CNTNAP5: variants seen among roughly 807,000 people sequenced by gnomAD.
CNTNAP5 encodes contactin-associated protein-like 5.
In CNTNAP5, 72 loss-of-function variants were observed where a neutral mutation model predicts 150.2. That is an observed-to-expected ratio of 0.48 (90% CI 0.40 to 0.58). The LOEUF (loss-of-function observed/expected upper bound fraction) is 0.58. Ranked by LOEUF, CNTNAP5 falls within the 20% of genes least tolerant of loss-of-function variation. The pLI, the probability that CNTNAP5 is intolerant of heterozygous loss-of-function variation, is 0.00. For synonymous variants in CNTNAP5, 672 were observed against 619.8 expected (o/e 1.08, Z -1.25); for missense variants, 1,636 against 1,626.2 (o/e 1.01, Z -0.10).
intron 1 of CNTNAP5, among the ~76,000 whole-genome samples, chr2:124,201,903 G>C: frequency 6.6e-6 from 1 of 152,170 alleles, no homozygotes; most frequent in East Asian, 1.9e-4. Context: ...ATTGGCAAAA[G>C]TTATGGACTC....
chr2:124,025,674 C>T lies in CNTNAP5; in HGVS notation c.24C>T (p.Thr8=), dbSNP rs1453753031. Residue 8 remains threonine (T), a synonymous_variant, in exon 1 of 24, where the codon ACC becomes ACT. Coordinates refer to ENST00000682447, the MANE Select transcript of CNTNAP5 (RefSeq NM_001367498.1). The stretch of plus-strand genomic sequence containing the variant: ...AAATGGATTCTTTACCACGGCTGAC[C>T]AGCGTTTTGACTTTGCTGTTCTCTG... MDSLPRL[T]SVLTLLFSGL... 6.2e-7 allele frequency: 1 copy of T among 1,613,828 alleles called. No homozygotes were observed. The highest frequency in any genetic ancestry group is 8.5e-7 in the Non-Finnish European group (1 of 1,179,854).
At chr2:124,282,109 T>C (rs766402080) in intron 3 of CNTNAP5, among the ~76,000 whole-genome samples, 3 of 151,694 alleles carry the variant, frequency 2.0e-5, no homozygotes, top group Non-Finnish European at 4.4e-5. Context: ...TAGACATAGG[T>C]AGAGATCCCA....
chr2:124,466,931 GA>G (rs1385449381), intron 6 of CNTNAP5, among the ~76,000 whole-genome samples: 3 of 152,138 alleles, frequency 2.0e-5, no homozygotes, highest in Non-Finnish European at 4.4e-5. Flanking sequence ...TGAAATCTGT[GA>G]AGGAAAATTA....
chr2:124,875,092 A>G (rs1055226628), intron 21 of CNTNAP5, among the ~76,000 whole-genome samples: 3 of 152,108 alleles, frequency 2.0e-5, no homozygotes, highest in East Asian at 3.9e-4. Flanking sequence ...GATTGCATCT[A>G]TAGAACAGGG....
intron 1 of CNTNAP5, among the ~76,000 whole-genome samples, chr2:124,146,334 A>G (rs58431809): frequency 6.6e-6 from 1 of 152,152 alleles, no homozygotes; most frequent in East Asian, 1.9e-4. Context: ...AAATTTCCTG[A>G]GAGGGGTAGG....
intron 13 of CNTNAP5, among the ~76,000 whole-genome samples, chr2:124,665,856 G>A (rs4848257): frequency 0.55 from 83,404 of 150,662 alleles, 23,659 homozygotes; most frequent in Non-Finnish European, 0.62. Context: ...ACTGCACTCC[G>A]GCCTGGGCGA....
chr2:124,046,387 C>A lies in CNTNAP5; in HGVS notation c.82+20655C>A, dbSNP rs1344478642. Among the ~76,000 whole-genome samples, 8 of 144,630 alleles carry A rather than the reference C, an allele frequency of 5.5e-5. No homozygotes were observed. The East Asian group carries it at 1.7e-3, about 31-fold the overall frequency. The allele number at this position is 144,630 out of a possible 152,430, so 94.9% of individuals were successfully genotyped here. ...TGAAGAAATTACTCAGAGCCTTTCC[C>A]TTTGTCCTTTCCTCCACCTCCCCTG... On this transcript the variant is annotated intron_variant, in intron 1 of 23. Coordinates refer to ENST00000682447, the MANE Select transcript of CNTNAP5 (RefSeq NM_001367498.1).
intron 6 of CNTNAP5, among the ~76,000 whole-genome samples, chr2:124,454,260 T>C (rs150535280): frequency 6.6e-6 from 1 of 152,050 alleles, no homozygotes; most frequent in African/African-American, 2.4e-5. Context: ...ATTCTTATAT[T>C]AGACAAAACA....
At position 124,484,225 on chromosome 2, in the gene CNTNAP5, C is replaced by T. The variant is rs1693820195; in HGVS notation, c.1062+9343C>T. Among the ~76,000 whole-genome samples the T allele has an allele frequency of 2.0e-5, 3 of 152,296 alleles. No homozygotes were observed. The South Asian group carries it at 6.2e-4, about 32-fold the overall frequency. On this transcript the variant is annotated intron_variant, in intron 7 of 23. Transcript: ENST00000682447. Reference sequence around the variant, plus strand: ...CTTGGATATGGTAGATGCAAAAGCTCAAGGTGGGACTGTGGGAAACAACAA... The same window carrying T: ...CTTGGATATGGTAGATGCAAAAGCTTAAGGTGGGACTGTGGGAAACAACAA...
At chr2:124,147,423 G>A (rs1263629165) in intron 1 of CNTNAP5, among the ~76,000 whole-genome samples, 11 of 152,192 alleles carry the variant, frequency 7.2e-5, no homozygotes, top group Non-Finnish European at 1.6e-4. Flanking sequence ...AATAAAGAGA[G>A]TATTAGCCCA....
chr2:124,259,372 C>G, intron 3 of CNTNAP5, among the ~76,000 whole-genome samples: 1 of 152,074 alleles, frequency 6.6e-6, no homozygotes, highest in East Asian at 1.9e-4. Context: ...GGTATATACC[C>G]AGTAATGGGA....
chr2:124,853,609 A>G (rs1006878738), intron 19 of CNTNAP5, among the ~76,000 whole-genome samples: 2 of 152,192 alleles, frequency 1.3e-5, no homozygotes, highest in Non-Finnish European at 2.9e-5. Flanking sequence ...TCTTGCTTCT[A>G]CAAAACTTCT....
intron 11 of CNTNAP5, among the ~76,000 whole-genome samples, chr2:124,583,095 T>C (rs917757114): frequency 3.3e-5 from 5 of 152,206 alleles, no homozygotes; most frequent in Admixed American, 1.3e-4. Context: ...ATAGATTAGA[T>C]AGTAAGATTT....
At chr2:124,892,706 C>T (rs571512550) in intron 21 of CNTNAP5, among the ~76,000 whole-genome samples, 6 of 152,062 alleles carry the variant, frequency 3.9e-5, no homozygotes, top group Non-Finnish European at 7.4e-5. Context: ...TTTATGCAGA[C>T]ACAATATCCA....
intron 13 of CNTNAP5, among the ~76,000 whole-genome samples, chr2:124,731,079 C>T (rs1022163723): frequency 6.6e-5 from 10 of 152,038 alleles, no homozygotes; most frequent in Admixed American, 6.6e-4. Context: ...TGGGTGTGAT[C>T]GCTGGGCTCC....
intron 3 of CNTNAP5, among the ~76,000 whole-genome samples, chr2:124,316,827 A>G (rs1306627604): frequency 6.4e-4 from 95 of 147,856 alleles, no homozygotes; most frequent in Non-Finnish European, 7.8e-4. Flanking sequence ...AAAAAAAAAA[A>G]AGAAAAAGAA....
At chr2:124,552,864 G>C (rs1032892105) in intron 10 of CNTNAP5, among the ~76,000 whole-genome samples, 2 of 152,188 alleles carry the variant, frequency 1.3e-5, no homozygotes, top group African/African-American at 4.8e-5. Flanking sequence ...TTTACGTACA[G>C]ACGTACTATT....
At chr2:124,574,748 C>G (rs893053215) in intron 11 of CNTNAP5, among the ~76,000 whole-genome samples, 3 of 152,196 alleles carry the variant, frequency 2.0e-5, no homozygotes, top group African/African-American at 7.2e-5. Context: ...ACTGACTTGA[C>G]TAAGTTGTCA....
At chr2:124,777,090 C>A (rs773282012) in intron 17 of CNTNAP5, among the ~76,000 whole-genome samples, 22 of 149,132 alleles carry the variant, frequency 1.5e-4, no homozygotes, top group Non-Finnish European at 2.8e-4. Flanking sequence ...TCAGTAGCCA[C>A]ATAAGAAACA....
Sources: allele counts gnomAD v4.1 joint callset (sites outside exome capture counted in the v4.1 genomes callset), GRCh38; gene constraint gnomAD v4.1.1; transcripts MANE v1.5; gene names NCBI Gene and HGNC (gene_info 2026-07-23, HGNC 2026-07-21).